PHACTR1: variants seen among roughly 807,000 people sequenced by gnomAD.
PHACTR1 encodes phosphatase and actin regulator 1, also known as RPEL repeat containing 1.
Under a neutral mutation model 69.2 loss-of-function variants are expected in PHACTR1, and 16 were observed. The observed-to-expected ratio is 0.23, with a 90% confidence interval of 0.16 to 0.35. The LOEUF (loss-of-function observed/expected upper bound fraction) is 0.35. PHACTR1 is among the 10% of genes least tolerant of loss of function. PHACTR1 has a pLI of 1.00. For synonymous variants in PHACTR1, 312 were observed against 284.5 expected, an observed-to-expected ratio of 1.10 and a Z score of -0.97; for missense variants, 510 against 734.7, an observed-to-expected ratio of 0.69 and a Z score of 3.54.
chr6:13,240,164 G>C (rs1485346198), intron 10 of PHACTR1, among the ~76,000 whole-genome samples: 1 of 152,226 alleles, frequency 6.6e-6, no homozygotes, highest in Admixed American at 6.5e-5. Context: ...TTGGGTGCAG[G>C]GGGTGGGGAG....
chr6:12,995,180 G>A (rs1797276105), intron 4 of PHACTR1, among the ~76,000 whole-genome samples: 2 of 151,764 alleles, frequency 1.3e-5, no homozygotes, highest in Non-Finnish European at 2.9e-5. Context: ...TCAGCATTCT[G>A]GGCTTGTTCA....
At chr6:13,216,735 T>A (rs1025435224) in intron 8 of PHACTR1, among the ~76,000 whole-genome samples, 2 of 152,238 alleles carry the variant, frequency 1.3e-5, no homozygotes, top group Non-Finnish European at 2.9e-5. Context: ...ATGTTGTTTT[T>A]CAGATTTAAC....
Position 12,928,622 on chromosome 6 carries a change from T to G in PHACTR1, c.251-124743T>G, listed in dbSNP as rs112121754. ...GTCCATCCACCCACCCACCCACCCATCCATCCATCCATCCATCCGTTCATG... is the reference window on the plus strand; with the variant it reads ...GTCCATCCACCCACCCACCCACCCAGCCATCCATCCATCCATCCGTTCATG... On this transcript the variant is annotated intron_variant, in intron 4 of 14. Coordinates refer to ENST00000332995, the MANE Select transcript of PHACTR1 (RefSeq NM_030948.6). 1.1e-4 allele frequency among the ~76,000 whole-genome samples: 5 copies of G among 44,764 alleles called. No individual in the cohort carries two copies. The East Asian group carries it at 2.1e-3, about 19-fold the overall frequency. 29.4% of individuals were successfully genotyped at this position (44,764 alleles called of 152,430 possible). A position where few individuals can be genotyped will look rare whatever the true frequency, so the allele number is the denominator to read the frequency against.
intron 4 of PHACTR1, among the ~76,000 whole-genome samples, chr6:13,007,861 T>A (rs1000814046): frequency 6.6e-6 from 1 of 152,202 alleles, no homozygotes; most frequent in Non-Finnish European, 1.5e-5. Context: ...CTTCTCATCA[T>A]GTTGCTATCT....
intron 4 of PHACTR1, among the ~76,000 whole-genome samples, chr6:12,959,176 CAAAAAAAAAAAAA>C (rs70989814): frequency 2.2e-5 from 1 of 46,258 alleles, no homozygotes; most frequent in African/African-American, 9.4e-5. Flanking sequence ...GACTTTATCT[CAAAAAAAAAAAAA>C]AAAAAAGAAA....
intron 13 of PHACTR1, among the ~76,000 whole-genome samples, chr6:13,284,543 A>AAAAAAATAT (rs1554187813): frequency 3.3e-5 from 2 of 61,350 alleles, no homozygotes; most frequent in East Asian, 4.6e-4. Context: ...AAAAAAAAAA[A>AAAAAAATAT]ATATATATAT....
intron 4 of PHACTR1, among the ~76,000 whole-genome samples, chr6:12,918,102 C>T (rs1403771730): frequency 6.6e-6 from 1 of 152,142 alleles, no homozygotes; most frequent in Non-Finnish European, 1.5e-5. Flanking sequence ...TGTGTTATTC[C>T]CAGGCAAACA....
chr6:13,082,389 A>C (rs961473664), intron 5 of PHACTR1, among the ~76,000 whole-genome samples: 12 of 152,178 alleles, frequency 7.9e-5, no homozygotes, highest in African/African-American at 2.9e-4. Context: ...ATTCAGGTAA[A>C]ATAAAGATGT....
At chr6:12,925,489 T>A (rs1052245353) in intron 4 of PHACTR1, among the ~76,000 whole-genome samples, 1 of 152,200 alleles carries the variant, frequency 6.6e-6, no homozygotes, top group African/African-American at 2.4e-5. Flanking sequence ...GAGAATACCT[T>A]CTATATCATA....
At chr6:13,228,333 T>C (rs943172578) in intron 9 of PHACTR1, among the ~76,000 whole-genome samples, 126 of 152,214 alleles carry the variant, frequency 8.3e-4, no homozygotes, top group African/African-American at 2.8e-3. Flanking sequence ...AGTGGCTTCT[T>C]TGTTGCTTCT....
intron 4 of PHACTR1, among the ~76,000 whole-genome samples, chr6:13,046,727 C>T (rs985314094): frequency 6.6e-6 from 1 of 152,006 alleles, no homozygotes; most frequent in Non-Finnish European, 1.5e-5. Flanking sequence ...GTCCCATCCA[C>T]TCCCCACTTT....
At chr6:12,750,552 G>C (rs1408568736) in intron 4 of PHACTR1, among the ~76,000 whole-genome samples, 4 of 146,940 alleles carry the variant, frequency 2.7e-5, no homozygotes, top group Non-Finnish European at 6.0e-5. Flanking sequence ...AGGAAGGAAG[G>C]GGGGAAGGAA....
chr6:12,814,415 C>T (rs117721832), intron 4 of PHACTR1, among the ~76,000 whole-genome samples: 33 of 152,322 alleles, frequency 2.2e-4, no homozygotes, highest in East Asian at 1.4e-3. Context: ...ACAGAATAGA[C>T]GCTCCAAAAA....
intron 4 of PHACTR1, among the ~76,000 whole-genome samples, chr6:12,917,600 A>G (rs987017571): frequency 6.6e-6 from 1 of 152,098 alleles, no homozygotes; most frequent in Non-Finnish European, 1.5e-5. Flanking sequence ...ACAAGTTAAA[A>G]ATAAAAATTA....
intron 6 of PHACTR1, among the ~76,000 whole-genome samples, chr6:13,181,910 T>A (rs1762224209): frequency 6.6e-6 from 1 of 152,174 alleles, no homozygotes; most frequent in African/African-American, 2.4e-5. Flanking sequence ...GAGAAAAAAA[T>A]AATTTTAATT....
At chr6:13,230,238 C>A in intron 10 of PHACTR1, 45 bp downstream of exon 10, 1 of 1,578,476 alleles carries the variant, frequency 6.3e-7, no homozygotes, top group Admixed American at 1.8e-5. Context: ...GGGCCTTTAG[C>A]TCTCCAGGTT....
chr6:12,795,434 G>A (rs1772856462), intron 4 of PHACTR1, among the ~76,000 whole-genome samples: 1 of 152,090 alleles, frequency 6.6e-6, no homozygotes. Flanking sequence ...TATGTTAAAA[G>A]GATAAAGACA....
intron 7 of PHACTR1, among the ~76,000 whole-genome samples, chr6:13,203,844 C>T (rs1218364718): frequency 1.3e-5 from 2 of 152,050 alleles, no homozygotes; most frequent in East Asian, 3.9e-4. Context: ...GTGGGGAAGC[C>T]GTGAGTGCTC....
intron 4 of PHACTR1, among the ~76,000 whole-genome samples, chr6:12,946,626 C>G (rs955885922): frequency 3.3e-5 from 5 of 151,880 alleles, no homozygotes; most frequent in Non-Finnish European, 7.4e-5. Flanking sequence ...ATTTAAGAAG[C>G]AGATAAATGG....
Sources: allele counts gnomAD v4.1 joint callset (sites outside exome capture counted in the v4.1 genomes callset), GRCh38; gene constraint gnomAD v4.1.1; transcripts MANE v1.5; gene names NCBI Gene and HGNC (gene_info 2026-07-23, HGNC 2026-07-21).